Variants in ERBIN observed in about 807,000 individuals in gnomAD.
ERBIN encodes the protein densin-180-like protein.
A neutral mutation model predicts 158.4 loss-of-function variants in ERBIN; 60 were observed. The observed-to-expected ratio is 0.38, with a 90% CI of 0.31 to 0.47. ERBIN has a LOEUF of 0.47. ERBIN is among the 20% of genes least tolerant of loss of function. The probability of loss-of-function intolerance (pLI) is 0.99; values close to 1 mark genes in which losing one functional copy is unlikely to be tolerated. For synonymous variants in ERBIN, 594 were observed against 557.2 expected (o/e 1.07, Z -0.93); for missense variants, 1,610 against 1,648.0 (o/e 0.98, Z 0.40).
chr5:65,979,697 A>C (rs1260887116), intron 1 of ERBIN, among the ~76,000 whole-genome samples: 1 of 152,214 alleles, frequency 6.6e-6, no homozygotes, highest in South Asian at 2.1e-4. Context: ...GAATATCTTA[A>C]ATTTTAAAAA....
intron 1 of ERBIN, among the ~76,000 whole-genome samples, chr5:65,975,045 T>C (rs1749701178): frequency 1.3e-5 from 2 of 152,228 alleles, no homozygotes; most frequent in South Asian, 4.1e-4. Flanking sequence ...GGAGTCTCGC[T>C]CTGTTGACCT....
intron 14 of ERBIN, among the ~76,000 whole-genome samples, chr5:66,031,299 ATTAT>A (rs1433609892): frequency 6.6e-6 from 1 of 152,238 alleles, no homozygotes; most frequent in Non-Finnish European, 1.5e-5. Flanking sequence ...GAGCAGAACA[ATTAT>A]TTATTAATTT....
intron 1 of ERBIN, among the ~76,000 whole-genome samples, chr5:65,970,995 T>A (rs1027172165): frequency 2.0e-5 from 3 of 152,218 alleles, no homozygotes; most frequent in African/African-American, 7.2e-5. Context: ...TCTGACATAT[T>A]TGTCATATTT....
chr5:66,069,628 GA>G (rs1005078428), intron 21 of ERBIN, among the ~76,000 whole-genome samples: 2 of 152,126 alleles, frequency 1.3e-5, no homozygotes, highest in African/African-American at 4.8e-5. Flanking sequence ...AAAAGGCAGA[GA>G]AAGAAAGAAC....
chr5:66,039,477 A>T (rs1757733481), intron 15 of ERBIN, among the ~76,000 whole-genome samples: 1 of 151,984 alleles, frequency 6.6e-6, no homozygotes, highest in South Asian at 2.1e-4. Context: ...CTTCAGAGAC[A>T]AAGAAAAGTA....
intron 1 of ERBIN, among the ~76,000 whole-genome samples, chr5:65,955,906 A>T (rs1747054070): frequency 1.3e-5 from 2 of 152,252 alleles, no homozygotes; most frequent in Admixed American, 6.5e-5. Flanking sequence ...ATCATGCACC[A>T]TCCAGGGCAA....
intron 1 of ERBIN, among the ~76,000 whole-genome samples, chr5:65,945,228 T>C (rs1745596462): frequency 6.6e-6 from 1 of 152,244 alleles, no homozygotes; most frequent in South Asian, 2.1e-4. Context: ...CTATACAGGA[T>C]AAATTCCTTG....
At chr5:66,041,304 G>A (rs553107240) in intron 15 of ERBIN, among the ~76,000 whole-genome samples, 1 of 152,104 alleles carries the variant, frequency 6.6e-6, no homozygotes, top group Non-Finnish European at 1.5e-5. Flanking sequence ...CTATGGTTGT[G>A]AATCATTTAG....
At chr5:66,015,354 A>G (rs1007654683) in intron 7 of ERBIN, among the ~76,000 whole-genome samples, 8 of 147,848 alleles carry the variant, frequency 5.4e-5, no homozygotes, top group Non-Finnish European at 1.5e-5. Context: ...ACTACAGTCT[A>G]TGATTAAATC....
chr5:65,966,000 A>G (rs965538490), intron 1 of ERBIN, among the ~76,000 whole-genome samples: 1 of 152,230 alleles, frequency 6.6e-6, no homozygotes, highest in African/African-American at 2.4e-5. Context: ...ATAACAAGGT[A>G]TGTTAGGCTT....
intron 1 of ERBIN, among the ~76,000 whole-genome samples, chr5:65,963,945 G>A (rs748521154): frequency 1.6e-4 from 24 of 151,742 alleles, no homozygotes; most frequent in Non-Finnish European, 3.2e-4. Context: ...GACTACAGGC[G>A]CCTGCCACCA....
chr5:65,965,686 C>T (rs1462496818), intron 1 of ERBIN, among the ~76,000 whole-genome samples: 1 of 152,174 alleles, frequency 6.6e-6, no homozygotes, highest in Non-Finnish European at 1.5e-5. Context: ...AACCACTGCA[C>T]CTGGCCCCAT....
chr5:66,053,432 T>G lies in ERBIN; in HGVS notation c.2114T>G (p.Leu705Arg). 1 of 1,491,792 alleles carries G rather than the reference T, an allele frequency of 6.7e-7. No individual in the cohort carries two copies. The highest frequency in any genetic ancestry group is 8.9e-7 in the Non-Finnish European group (1 of 1,122,250). The allele number at this position is 1,491,792 out of a possible 1,614,324, so 92.4% of individuals were successfully genotyped here. Residue 705 changes from leucine to arginine, a missense_variant, in exon 21 of 26, where the codon CTT becomes CGT. Leu to Arg is a moderately radical substitution (Grantham distance 102). This residue lies in a region of ERBIN where 1,014 missense variants were observed against 936.1 expected (regional missense o/e 1.08). Transcript: ENST00000284037. ...IRQEDENFNSLLQNGDILNSS... is the reference protein window; with the variant it reads ...IRQEDENFNSRLQNGDILNSS... ...CAAGAAGATGAAAATTTTAACAGCC[T>G]TTTACAAAATGGAGATATTTTAAAC...
rs1743844059 is a variant in ERBIN at position 65,934,515 on chromosome 5, TA to T, written c.-58+7710del. Among the ~76,000 whole-genome samples, 3 of 152,356 alleles carry T rather than the reference TA, an allele frequency of 2.0e-5. No individual in the cohort carries two copies. The East Asian group carries it at 5.8e-4, about 29-fold the overall frequency. On this transcript the variant is annotated intron_variant, in intron 1 of 25. Coordinates refer to ENST00000284037, the MANE Select transcript of ERBIN (RefSeq NM_001253697.2). The stretch of plus-strand genomic sequence containing the variant: ...TACCCCTCAATTTTCATTTGTGTGA[TA>T]TTTTTCATGATTAGATCTTTGATTA...
chr5:65,953,225 C>A (rs751533734), intron 1 of ERBIN, among the ~76,000 whole-genome samples: 1 of 152,184 alleles, frequency 6.6e-6, no homozygotes, highest in Non-Finnish European at 1.5e-5. Context: ...CTCTTGGTAC[C>A]CTTCAAGCCT....
At chr5:66,033,641 A>G (rs1461121624) in intron 14 of ERBIN, among the ~76,000 whole-genome samples, 3 of 152,262 alleles carry the variant, frequency 2.0e-5, no homozygotes, top group Non-Finnish European at 2.9e-5. Flanking sequence ...TAAGGAATAA[A>G]TAGATGATGA....
rs144371657 is a variant in ERBIN at position 65,982,307 on chromosome 5, G to A, written c.-57-6328G>A. Reference sequence around the variant, plus strand: ...GTCCATCCTCTCCTCTGGAGTATAAGCAAATCTTTTCTGGGGAGGGGAAGG... The same window carrying A: ...GTCCATCCTCTCCTCTGGAGTATAAACAAATCTTTTCTGGGGAGGGGAAGG... On this transcript the variant is annotated intron_variant, in intron 1 of 25. Coordinates refer to ENST00000284037, the MANE Select transcript of ERBIN (RefSeq NM_001253697.2). 8.1e-3 allele frequency among the ~76,000 whole-genome samples: 1,236 copies of A among 152,262 alleles called. 33 individuals are homozygous for A. The highest frequency in any genetic ancestry group is 0.041 in the Admixed American group (624 of 15,302).
At chr5:66,007,350 G>A (rs1753712461) in intron 4 of ERBIN, among the ~76,000 whole-genome samples, 1 of 152,068 alleles carries the variant, frequency 6.6e-6, no homozygotes. Context: ...GAGAACACTT[G>A]GGCACAGGGA....
chr5:65,995,973 AT>A (rs1752388631), intron 4 of ERBIN, among the ~76,000 whole-genome samples: 2 of 152,100 alleles, frequency 1.3e-5, no homozygotes, highest in African/African-American at 4.8e-5. Flanking sequence ...TTTTCTTGTT[AT>A]TGAGGTTTTT....
Sources: allele counts gnomAD v4.1 joint callset (sites outside exome capture counted in the v4.1 genomes callset), GRCh38; gene constraint gnomAD v4.1.1; regional missense constraint gnomAD v4.1.1; transcripts MANE v1.5; gene names NCBI Gene and HGNC (gene_info 2026-07-23, HGNC 2026-07-21).